INPP4B: variants seen among roughly 807,000 people sequenced by gnomAD.
The protein encoded by INPP4B is inositol polyphosphate 4-phosphatase type II.
In INPP4B, 55 loss-of-function variants were observed where a neutral mutation model predicts 122.5. That is an observed-to-expected ratio of 0.45 (90% CI 0.36 to 0.56). The LOEUF is 0.56. INPP4B is among the 20% of genes least tolerant of loss of function. The pLI, the probability that INPP4B is intolerant of heterozygous loss-of-function variation, is 0.00. For synonymous variants in INPP4B, 403 were observed against 388.7 expected (o/e 1.04, Z -0.43); for missense variants, 1,000 against 1,097.7 (o/e 0.91, Z 1.26).
intron 7 of INPP4B, among the ~76,000 whole-genome samples, chr4:142,401,633 C>T (rs1801621524): frequency 1.3e-5 from 2 of 152,240 alleles, no homozygotes; most frequent in African/African-American, 4.8e-5. Flanking sequence ...TTATTAATTA[C>T]TCTGTAACAG....
At chr4:142,528,009 A>G (rs541324579) in intron 2 of INPP4B, among the ~76,000 whole-genome samples, 1 of 152,194 alleles carries the variant, frequency 6.6e-6, no homozygotes, top group East Asian at 1.9e-4. Context: ...ACTATCATGC[A>G]CTAAAATGCT....
chr4:142,364,590 A>G (rs1317055823), intron 7 of INPP4B, among the ~76,000 whole-genome samples: 2 of 152,144 alleles, frequency 1.3e-5, no homozygotes, highest in Admixed American at 1.3e-4. Flanking sequence ...AGGTGATTTC[A>G]GTATTGCAAC....
At chr4:142,233,951 G>A (rs774086780) in intron 12 of INPP4B, among the ~76,000 whole-genome samples, 23 of 152,036 alleles carry the variant, frequency 1.5e-4, no homozygotes, top group South Asian at 1.0e-3. Context: ...CATCAGCTTC[G>A]TCCATAAAAA....
intron 9 of INPP4B, among the ~76,000 whole-genome samples, chr4:142,274,114 C>G (rs1747229871): frequency 1.3e-5 from 2 of 151,744 alleles, no homozygotes; most frequent in South Asian, 4.1e-4. Flanking sequence ...AATTTATCAC[C>G]TATCAAGTTG....
At chr4:142,162,937 T>C (rs927462721) in intron 16 of INPP4B, among the ~76,000 whole-genome samples, 1 of 151,926 alleles carries the variant, frequency 6.6e-6, no homozygotes, top group African/African-American at 2.4e-5. Flanking sequence ...ATCACATTTT[T>C]TAGAAAATAC....
chr4:142,476,338 T>G (rs560344372), intron 2 of INPP4B, among the ~76,000 whole-genome samples: 1 of 151,658 alleles, frequency 6.6e-6, no homozygotes, highest in Admixed American at 6.6e-5. Context: ...CTTAAGAGAG[T>G]GCTAAATCTT....
At chr4:142,829,513 T>A (rs921150802) in intron 1 of INPP4B, among the ~76,000 whole-genome samples, 1 of 152,086 alleles carries the variant, frequency 6.6e-6, no homozygotes, top group Non-Finnish European at 1.5e-5. Flanking sequence ...TCACTTAGAG[T>A]TGTGTTGATG....
intron 11 of INPP4B, among the ~76,000 whole-genome samples, chr4:142,257,030 A>G (rs913998813): frequency 1.3e-5 from 2 of 152,202 alleles, no homozygotes; most frequent in South Asian, 2.1e-4. Context: ...TTTCATCCCT[A>G]GGATGCAAGG....
chr4:142,496,626 T>G (rs776775553), intron 2 of INPP4B, among the ~76,000 whole-genome samples: 12 of 152,182 alleles, frequency 7.9e-5, no homozygotes, highest in Non-Finnish European at 1.3e-4. Context: ...TTGTTTCCTA[T>G]TGCTTTAGAT....
chr4:142,795,673 A>C (rs1580935506), intron 1 of INPP4B: 1 of 152,030 alleles, frequency 6.6e-6, no homozygotes, highest in Non-Finnish European at 1.5e-5. Context: ...GAGGTTAAAA[A>C]ATGCTAATTA....
intron 2 of INPP4B, among the ~76,000 whole-genome samples, chr4:142,658,558 C>A (rs1472841651): frequency 2.6e-5 from 4 of 152,196 alleles, no homozygotes; most frequent in African/African-American, 9.6e-5. Context: ...CTGCCTGGTT[C>A]CTCTAGAATT....
intron 18 of INPP4B, among the ~76,000 whole-genome samples, chr4:142,140,862 G>A (rs187405363): frequency 2.6e-5 from 4 of 152,310 alleles, no homozygotes; most frequent in Non-Finnish European, 4.4e-5. Context: ...TCAAAACAGT[G>A]AATGCCAGCT....
intron 2 of INPP4B, among the ~76,000 whole-genome samples, chr4:142,546,486 T>G (rs900989172): frequency 6.6e-6 from 1 of 152,056 alleles, no homozygotes; most frequent in Non-Finnish European, 1.5e-5. Flanking sequence ...ATGTCCAAAA[T>G]TGAGAAACCT....
At chr4:142,204,007 A>T (rs1194256210) in intron 14 of INPP4B, among the ~76,000 whole-genome samples, 1 of 152,122 alleles carries the variant, frequency 6.6e-6, no homozygotes, top group Non-Finnish European at 1.5e-5. Context: ...TGTTAAATAC[A>T]TGTTATAAAA....
At chr4:142,029,595 C>A (rs1738537795) in intron 25 of INPP4B, 1 of 985,134 alleles carries the variant, frequency 1.0e-6, no homozygotes, top group African/African-American at 1.7e-5. Flanking sequence ...AATTTAATTA[C>A]AAAACATAAA....
At chr4:142,712,771 AG>A (rs1302549481) in intron 2 of INPP4B, among the ~76,000 whole-genome samples, 3 of 152,190 alleles carry the variant, frequency 2.0e-5, no homozygotes, top group African/African-American at 7.2e-5. Flanking sequence ...CCTCATTCCT[AG>A]GGAGAGGAAA....
chr4:142,590,718 C>T (rs773020558), intron 2 of INPP4B, among the ~76,000 whole-genome samples: 4 of 151,280 alleles, frequency 2.6e-5, no homozygotes, highest in Admixed American at 6.6e-5. Context: ...AAAAGATATT[C>T]ATAAATGTGT....
At chr4:142,622,644 A>G (rs1201505998) in intron 2 of INPP4B, among the ~76,000 whole-genome samples, 1 of 151,984 alleles carries the variant, frequency 6.6e-6, no homozygotes, top group Non-Finnish European at 1.5e-5. Context: ...GAAAACTCAA[A>G]GACAATTAAT....
chr4:142,042,161 T>A (rs76790232), intron 25 of INPP4B, among the ~76,000 whole-genome samples: 1 of 152,334 alleles, frequency 6.6e-6, no homozygotes, highest in African/African-American at 2.4e-5. Flanking sequence ...TCTTTTACCA[T>A]GCTTGCCCCT....
Sources: allele counts gnomAD v4.1 joint callset (sites outside exome capture counted in the v4.1 genomes callset), GRCh38; gene constraint gnomAD v4.1.1; transcripts MANE v1.5; gene names NCBI Gene and HGNC (gene_info 2026-07-23, HGNC 2026-07-21).